KIAA1958: variants seen among roughly 807,000 people sequenced by gnomAD.
KIAA1958 encodes the protein KIAA1958.
In KIAA1958, 14 loss-of-function variants were observed where a neutral mutation model predicts 47.2. The ratio of observed to expected loss-of-function variants is 0.30; its 90% CI spans 0.20 to 0.46. The LOEUF (loss-of-function observed/expected upper bound fraction) is 0.46. KIAA1958 is among the 20% of genes least tolerant of loss of function. KIAA1958 has a pLI of 1.00. For synonymous variants in KIAA1958, 354 were observed against 353.3 expected, an observed-to-expected ratio of 1.00 and a Z score of -0.02; for missense variants, 803 against 909.2, an observed-to-expected ratio of 0.88 and a Z score of 1.50.
At chr9:112,638,064 G>T (rs964384263) in intron 2 of KIAA1958, among the ~76,000 whole-genome samples, 18 of 151,968 alleles carry the variant, frequency 1.2e-4, no homozygotes, top group Non-Finnish European at 2.2e-4. Flanking sequence ...CAGGAGAATC[G>T]CTTGAACCCA....
chr9:112,658,435 G>A (rs992469575), intron 3 of KIAA1958, among the ~76,000 whole-genome samples: 10 of 152,170 alleles, frequency 6.6e-5, no homozygotes, highest in African/African-American at 1.9e-4. Flanking sequence ...GGAGAGGGAA[G>A]CAAATGATTT....
chr9:112,639,775 A>G lies in KIAA1958; in HGVS notation c.1172-5875A>G, dbSNP rs553111662. Among the ~76,000 whole-genome samples the G allele has an allele frequency of 2.0e-5, 3 of 152,328 alleles. No individual in the cohort carries two copies. The South Asian group carries it at 6.2e-4, about 32-fold the overall frequency. On this transcript the variant is annotated intron_variant, in intron 2 of 3. Transcript: ENST00000337530. ...CAGATGCCCTCCATGCCCTTACTGG[A>G]GGCCATTGCATCTCCATCAATACAC...
chr9:112,516,507 A>G (rs1834437966), intron 1 of KIAA1958, among the ~76,000 whole-genome samples: 2 of 152,254 alleles, frequency 1.3e-5, no homozygotes, highest in South Asian at 2.1e-4. Context: ...AAGATGCAAT[A>G]TTGTTAAGAT....
At chr9:112,612,842 C>T (rs142423748) in intron 2 of KIAA1958, among the ~76,000 whole-genome samples, 59 of 152,140 alleles carry the variant, frequency 3.9e-4, no homozygotes, top group African/African-American at 1.4e-3. Flanking sequence ...TTTGTAATAG[C>T]GACAGGATGC....
intron 1 of KIAA1958, among the ~76,000 whole-genome samples, chr9:112,546,280 A>C (rs778500266): frequency 1.8e-4 from 27 of 152,352 alleles, no homozygotes; most frequent in Non-Finnish European, 3.7e-4. Flanking sequence ...GTTTACAGTC[A>C]TCATGGCAAT....
At chr9:112,495,304 A>AT (rs1405385483) in intron 1 of KIAA1958, among the ~76,000 whole-genome samples, 6 of 152,134 alleles carry the variant, frequency 3.9e-5, no homozygotes, top group Admixed American at 3.9e-4. Flanking sequence ...TCTTGGTCAT[A>AT]TTTAAATTAG....
At chr9:112,528,676 C>T (rs1284179351) in intron 1 of KIAA1958, among the ~76,000 whole-genome samples, 2 of 152,242 alleles carry the variant, frequency 1.3e-5, no homozygotes, top group Admixed American at 6.5e-5. Flanking sequence ...CCCGTCACCA[C>T]GACTGGCTAA....
At chr9:112,522,218 G>T (rs944242897) in intron 1 of KIAA1958, among the ~76,000 whole-genome samples, 1 of 152,070 alleles carries the variant, frequency 6.6e-6, no homozygotes, top group South Asian at 2.1e-4. Context: ...TGATTCACCC[G>T]CCTCGGCCTC....
intron 2 of KIAA1958, among the ~76,000 whole-genome samples, chr9:112,579,798 C>G (rs1178629547): frequency 6.6e-6 from 1 of 152,142 alleles, no homozygotes; most frequent in South Asian, 2.1e-4. Context: ...GTTATTTGAT[C>G]TGTGTTGACA....
chr9:112,606,553 A>G (rs1836239209), intron 2 of KIAA1958, among the ~76,000 whole-genome samples: 3 of 152,236 alleles, frequency 2.0e-5, no homozygotes, highest in Admixed American at 2.0e-4. Flanking sequence ...TTCACCTGCT[A>G]AACTATATAC....
At chr9:112,577,960 T>G (rs1835677993) in intron 2 of KIAA1958, among the ~76,000 whole-genome samples, 1 of 152,162 alleles carries the variant, frequency 6.6e-6, no homozygotes, top group Non-Finnish European at 1.5e-5. Context: ...TTAGTTTGGC[T>G]TGGAGGTAAA....
intron 2 of KIAA1958, among the ~76,000 whole-genome samples, chr9:112,619,383 T>C (rs1326286897): frequency 6.6e-6 from 1 of 152,242 alleles, no homozygotes; most frequent in Non-Finnish European, 1.5e-5. Context: ...AGACATTAAC[T>C]TTACTGCTGA....
chr9:112,592,798 A>C (rs1835946761), intron 2 of KIAA1958, among the ~76,000 whole-genome samples: 1 of 152,226 alleles, frequency 6.6e-6, no homozygotes, highest in Non-Finnish European at 1.5e-5. Flanking sequence ...TCTGAGTAGC[A>C]GCCACACTCT....
chr9:112,658,121 T>G (rs1441085055), intron 3 of KIAA1958, among the ~76,000 whole-genome samples: 1 of 152,186 alleles, frequency 6.6e-6, no homozygotes, highest in Admixed American at 6.5e-5. Context: ...CCTCTCTAAG[T>G]GTTGGGATTA....
At chr9:112,639,515 C>G (rs970549334) in intron 2 of KIAA1958, among the ~76,000 whole-genome samples, 1 of 152,170 alleles carries the variant, frequency 6.6e-6, no homozygotes, top group Admixed American at 6.5e-5. Flanking sequence ...AAGGCCTACT[C>G]ACCCCAGTCA....
chr9:112,523,396 A>G (rs895473317), intron 1 of KIAA1958, among the ~76,000 whole-genome samples: 1 of 152,172 alleles, frequency 6.6e-6, no homozygotes, highest in Non-Finnish European at 1.5e-5. Context: ...GGCTGCAGTG[A>G]ACCGAGATCG....
Position 112,567,508 on chromosome 9 carries a change from A to G in KIAA1958, c.-24-6549A>G, listed in dbSNP as rs545556166. ...ACTAAGGGGAAAAGGTAAAAACCAGATGAATCTGTGTTTCAAGAGCTTTCC... is the reference window on the plus strand; with the variant it reads ...ACTAAGGGGAAAAGGTAAAAACCAGGTGAATCTGTGTTTCAAGAGCTTTCC... On this transcript the variant is annotated intron_variant, in intron 1 of 3. Coordinates refer to ENST00000337530, the MANE Select transcript of KIAA1958 (RefSeq NM_133465.4). Among the ~76,000 whole-genome samples, 18 of 152,316 alleles carry G rather than the reference A, an allele frequency of 1.2e-4. 1 individual carries two copies. Among genetic ancestry groups the G allele is most frequent in the African/African-American group, 3.8e-4 (16 of 41,566 alleles).
At chr9:112,506,771 T>C (rs553315941) in intron 1 of KIAA1958, among the ~76,000 whole-genome samples, 1 of 152,222 alleles carries the variant, frequency 6.6e-6, no homozygotes, top group Non-Finnish European at 1.5e-5. Context: ...TCTGCCACAC[T>C]AGCTTTATTA....
intron 3 of KIAA1958, among the ~76,000 whole-genome samples, chr9:112,647,466 A>G (rs1249897950): frequency 6.6e-6 from 1 of 152,114 alleles, no homozygotes. Context: ...AAAACAAAAA[A>G]CAAACAAACA....
Sources: allele counts gnomAD v4.1 joint callset (sites outside exome capture counted in the v4.1 genomes callset), GRCh38; gene constraint gnomAD v4.1.1; transcripts MANE v1.5; gene names NCBI Gene and HGNC (gene_info 2026-07-23, HGNC 2026-07-21).